Variants in PITPNM3 observed in about 807,000 individuals in gnomAD.
PITPNM3 encodes membrane-associated phosphatidylinositol transfer protein 3.
In PITPNM3, 26 loss-of-function variants were observed where a neutral mutation model predicts 102.0. The observed-to-expected ratio is 0.25, with a 90% confidence interval of 0.19 to 0.35. The LOEUF (loss-of-function observed/expected upper bound fraction) is 0.35, where lower values mean the gene tolerates loss of function less well. PITPNM3 is among the 10% of genes least tolerant of loss of function. The pLI is 1.00. For missense variants in PITPNM3, 1,083 were observed against 1,346.1 expected (o/e 0.80, Z 3.06); for synonymous variants, 578 against 558.6 (o/e 1.03, Z -0.49).
At chr17:6,523,453 C>G (rs1482187680) in intron 3 of PITPNM3, among the ~76,000 whole-genome samples, 1 of 152,180 alleles carries the variant, frequency 6.6e-6, no homozygotes, top group East Asian at 1.9e-4. Flanking sequence ...TCCTGGACCT[C>G]CCGCTGTGCT....
intron 4 of PITPNM3, among the ~76,000 whole-genome samples, chr17:6,490,216 C>CACACACATGCAGAAAGAAGGGG (rs1906373106): frequency 6.6e-6 from 1 of 152,084 alleles, no homozygotes; most frequent in Non-Finnish European, 1.5e-5. Context: ...GCCCGCATGA[C>CACACACATGCAGAAAGAAGGGG]ACACACATGC....
At chr17:6,492,910 T>TA (rs113985549) in intron 4 of PITPNM3, among the ~76,000 whole-genome samples, 64 of 142,548 alleles carry the variant, frequency 4.5e-4, no homozygotes, top group Middle Eastern at 3.5e-3. Flanking sequence ...TCCAAGGACT[T>TA]AAAAAAAAAA....
At chr17:6,499,441 C>A (rs866930051) in intron 4 of PITPNM3, among the ~76,000 whole-genome samples, 7 of 152,304 alleles carry the variant, frequency 4.6e-5, no homozygotes, top group Middle Eastern at 3.4e-3. Flanking sequence ...TCTGGGGACT[C>A]CAACTCTTGG....
chr17:6,473,610 C>A (rs1396176775), intron 10 of PITPNM3, among the ~76,000 whole-genome samples: 2 of 152,222 alleles, frequency 1.3e-5, no homozygotes, highest in East Asian at 3.8e-4. Flanking sequence ...CAGATACCCT[C>A]CCCACCCCTC....
chr17:6,554,726 C>T (rs539464901), intron 1 of PITPNM3, among the ~76,000 whole-genome samples: 10 of 149,980 alleles, frequency 6.7e-5, no homozygotes, highest in Non-Finnish European at 1.3e-4. Flanking sequence ...CCTTCGAGTC[C>T]AATAGACCTG....
chr17:6,556,327 T>C lies in PITPNM3; in HGVS notation c.22+58A>G. ...TCACCTGGGCCGGCGGCCCCTCCTC[T>C]AGACGCGCGAGTCCCTCCCCCGGGC... On this transcript the variant is annotated intron_variant, in intron 1 of 19. Coordinates refer to ENST00000262483, the MANE Select transcript of PITPNM3 (RefSeq NM_031220.4). This position sits in a 1 kb window ranked among gnomAD's most constrained non-coding sequence, Gnocchi z 5.2. The C allele has an allele frequency of 2.2e-6, 3 of 1,367,982 alleles. No individual in the cohort carries two copies. Among genetic ancestry groups the C allele is most frequent in the Non-Finnish European group, 1.9e-6 (2 of 1,046,170 alleles). 84.7% of individuals were successfully genotyped at this position (1,367,982 alleles called of 1,614,324 possible).
intron 2 of PITPNM3, among the ~76,000 whole-genome samples, chr17:6,534,497 G>C (rs777447528): frequency 6.6e-5 from 10 of 152,234 alleles, no homozygotes; most frequent in Non-Finnish European, 1.2e-4. Context: ...GGCTGCAAGG[G>C]AGGGAGGACG....
rs560475610 is a variant in PITPNM3, at chr17:6,474,712, C to G, written c.1086-108G>C. ...AATTCTGAGCGTGAAGTGCCCAACC[C>G]TCCATCTCTGGGGCGGGGCTGAGAG... On this transcript the variant is annotated intron_variant, in intron 9 of 19. Transcript: ENST00000262483. 6 of 1,346,364 alleles carry G rather than the reference C, an allele frequency of 4.5e-6. No homozygotes were observed. In the East Asian group the frequency reaches 7.6e-5, roughly 17 times the overall value. 83.4% of individuals were successfully genotyped at this position (1,346,364 alleles called of 1,614,324 possible).
At chr17:6,546,383 G>C (rs989582011) in intron 1 of PITPNM3, among the ~76,000 whole-genome samples, 1 of 152,198 alleles carries the variant, frequency 6.6e-6, no homozygotes, top group South Asian at 2.1e-4. Context: ...TCCATCCATC[G>C]GTAATGCACT....
chr17:6,508,038 A>G (rs1907641105), intron 3 of PITPNM3, among the ~76,000 whole-genome samples: 1 of 150,262 alleles, frequency 6.7e-6, no homozygotes, highest in South Asian at 2.1e-4. Flanking sequence ...GTTGCTGGGA[A>G]TGCTGGGGTT....
rs771406784 is a variant in PITPNM3 at position 6,468,299 on chromosome 17, G to A, written c.1816C>T (p.Leu606=). 3.1e-6 allele frequency: 5 copies of A among 1,613,916 alleles called. No individual in the cohort carries two copies. Among genetic ancestry groups the A allele is most frequent in the Non-Finnish European group, 4.2e-6 (5 of 1,180,028 alleles). Residue 606 remains leucine (L), a synonymous_variant, in exon 14 of 20, where the codon CTG becomes TTG. Coordinates refer to ENST00000262483, the MANE Select transcript of PITPNM3 (RefSeq NM_031220.4). This position sits in a 1 kb window ranked among gnomAD's most constrained non-coding sequence, Gnocchi z 5.2. ...ESVNIKESAR[L]DPAALSPANP... The stretch of plus-strand genomic sequence containing the variant: ...GCAGGACTCAGTGCTGCAGGGTCCA[G>A]GCGGGCGCTTTCCTTGATGTTCACG...
intron 1 of PITPNM3, among the ~76,000 whole-genome samples, chr17:6,545,141 C>T (rs1909957125): frequency 1.3e-5 from 2 of 152,188 alleles, no homozygotes; most frequent in African/African-American, 4.8e-5. Flanking sequence ...GGAAACCCTT[C>T]TGTGCCTCAG....
intron 4 of PITPNM3, among the ~76,000 whole-genome samples, chr17:6,500,581 T>G (rs980608184): frequency 6.6e-6 from 1 of 152,232 alleles, no homozygotes; most frequent in Non-Finnish European, 1.5e-5. Context: ...AATCTTGGGT[T>G]CATTTGGGCA....
chr17:6,473,572 C>A (rs564056986), intron 10 of PITPNM3, among the ~76,000 whole-genome samples: 6 of 152,214 alleles, frequency 3.9e-5, no homozygotes, highest in African/African-American at 1.4e-4. Context: ...CAGCCTCAGA[C>A]GGTCTGTACT....
intron 3 of PITPNM3, 92 bp downstream of exon 3, chr17:6,525,249 AGACTCTTCACAGAAG>A: frequency 1.0e-6 from 1 of 988,432 alleles, no homozygotes; most frequent in Non-Finnish European, 1.6e-6. Flanking sequence ...CAAGGCAGAT[AGACTCTTCACAGAAG>A]GCCCAAGCCC....
intron 2 of PITPNM3, among the ~76,000 whole-genome samples, chr17:6,526,016 G>A (rs559840010): frequency 6.6e-6 from 1 of 152,340 alleles, no homozygotes; most frequent in Non-Finnish European, 1.5e-5. Flanking sequence ...GAGGATTTGT[G>A]TGCTGCAGAA....
chr17:6,543,273 G>T (rs542332990), intron 1 of PITPNM3, among the ~76,000 whole-genome samples: 12 of 152,264 alleles, frequency 7.9e-5, no homozygotes, highest in African/African-American at 2.4e-4. Context: ...CCCTAGCATG[G>T]GTGCAGCCAA....
At chr17:6,549,724 T>C (rs1336957691) in intron 1 of PITPNM3, among the ~76,000 whole-genome samples, 1 of 152,190 alleles carries the variant, frequency 6.6e-6, no homozygotes. Context: ...TGGAGAGAGA[T>C]TTGAGGGAGT....
intron 2 of PITPNM3, among the ~76,000 whole-genome samples, chr17:6,531,488 A>G (rs796214164): frequency 6.6e-6 from 1 of 152,252 alleles, no homozygotes; most frequent in South Asian, 2.1e-4. Context: ...TTCTGGCCAG[A>G]CTACCTGTCA....
Sources: gnomAD v4.1 joint callset for allele counts (sites outside exome capture counted in the v4.1 genomes callset) on GRCh38, gnomAD v4.1.1 for gene constraint, Gnocchi (gnomAD v3.1) non-coding constraint, MANE v1.5 for transcripts, NCBI Gene and HGNC (gene_info 2026-07-23, HGNC 2026-07-21) for gene names.